SYNPO: variants seen among roughly 807,000 people sequenced by gnomAD.
SYNPO encodes synaptopodin.
In SYNPO, 19 loss-of-function variants were observed where a neutral mutation model predicts 49.5. That is an observed-to-expected ratio of 0.38 (90% CI 0.27 to 0.56). The LOEUF (loss-of-function observed/expected upper bound fraction) is 0.56, where lower values mean the gene tolerates loss of function less well. Among genes scored for constraint, SYNPO ranks in the 20% least tolerant of loss-of-function variants. The probability of loss-of-function intolerance (pLI) is 0.68; values close to 1 mark genes in which losing one functional copy is unlikely to be tolerated. For missense variants in SYNPO, 1,131 were observed against 1,248.3 expected, an observed-to-expected ratio of 0.91 and a Z score of 1.42; for synonymous variants, 536 against 548.0, an observed-to-expected ratio of 0.98 and a Z score of 0.31.
At chr5:150,624,439 G>A (rs1757277714) in intron 2 of SYNPO, among the ~76,000 whole-genome samples, 1 of 152,174 alleles carries the variant, frequency 6.6e-6, no homozygotes, top group South Asian at 2.1e-4. Context: ...CTAGCCGAAG[G>A]AGATAGGAGG....
At position 150,658,948 on chromosome 5, in the gene SYNPO, G is replaced by C. The variant is rs1348384093; in HGVS notation, c.*1861G>C. On this transcript the variant is annotated 3_prime_UTR_variant, in exon 3 of 3. Coordinates refer to ENST00000307662, the MANE Select transcript of SYNPO (RefSeq NM_007286.6). Reference sequence around the variant, plus strand: ...TTGTAGCACAGGAGACTGGGGCTAAGGGCCCCTCCCAGGGAAGGGACACCA... The same window carrying C: ...TTGTAGCACAGGAGACTGGGGCTAACGGCCCCTCCCAGGGAAGGGACACCA... 4 of 152,362 alleles carry C rather than the reference G, an allele frequency of 2.6e-5. No homozygotes were observed. Among genetic ancestry groups the C allele is most frequent in the African/African-American group, 7.2e-5 (3 of 41,432 alleles). 9.4% of individuals were successfully genotyped at this position (152,362 alleles called of 1,614,324 possible).
chr5:150,618,198 A>G, exon 2 of SYNPO: 1 of 795,934 alleles, frequency 1.3e-6, no homozygotes, highest in Non-Finnish European at 1.9e-6. Context: ...CTTTCGTCTC[A>G]GCCAGACCTC....
intron 1 of SYNPO, among the ~76,000 whole-genome samples, chr5:150,616,807 C>T (rs1199250547): frequency 6.6e-6 from 1 of 152,160 alleles, no homozygotes; most frequent in Non-Finnish European, 1.5e-5. Context: ...GCCAGTTCTT[C>T]CACCCAAGTA....
intron 1 of SYNPO, among the ~76,000 whole-genome samples, chr5:150,616,806 TC>T (rs1756994311): frequency 6.6e-6 from 1 of 152,088 alleles, no homozygotes; most frequent in African/African-American, 2.4e-5. Flanking sequence ...AGCCAGTTCT[TC>T]CACCCAAGTA....
chr5:150,655,241 C>T (rs2151433167), intron 2 of SYNPO, among the ~76,000 whole-genome samples: 1 of 152,308 alleles, frequency 6.6e-6, no homozygotes, highest in Middle Eastern at 3.4e-3. Flanking sequence ...GCCTTATTCC[C>T]ATCTCCCTGC....
exon 2 of SYNPO, chr5:150,618,226 C>T (rs1360350436): frequency 2.9e-6 from 3 of 1,032,166 alleles, no homozygotes; most frequent in Non-Finnish European, 2.7e-6. Flanking sequence ...TTCTGTGAAT[C>T]AGCGGAGGAA....
At chr5:150,596,618 A>C (rs1452604938), upstream of SYNPO, among the ~76,000 whole-genome samples, 6 of 152,068 alleles carry the variant, frequency 3.9e-5, no homozygotes, top group Non-Finnish European at 8.8e-5. Flanking sequence ...CATGTGTCAG[A>C]GGGGGCCCTG....
chr5:150,618,327 C>A, exon 2 of SYNPO: 1 of 1,516,560 alleles, frequency 6.6e-7, no homozygotes, highest in Non-Finnish European at 8.9e-7. Flanking sequence ...GGCCCAGGCC[C>A]AGGAGCCTGC....
chr5:150,629,566 G>A (rs1185949592), intron 2 of SYNPO, among the ~76,000 whole-genome samples: 3 of 152,168 alleles, frequency 2.0e-5, no homozygotes, highest in Admixed American at 2.0e-4. Context: ...ACACCATGGT[G>A]TCAAGGGTCA....
intron 1 of SYNPO, among the ~76,000 whole-genome samples, chr5:150,611,391 A>G (rs1354432647): frequency 2.0e-5 from 3 of 152,280 alleles, no homozygotes; most frequent in Non-Finnish European, 4.4e-5. Flanking sequence ...CCTGAAATTC[A>G]GTAAGATGCA....
chr5:150,630,545 A>G (rs1210660189), intron 2 of SYNPO, among the ~76,000 whole-genome samples: 1 of 152,158 alleles, frequency 6.6e-6, no homozygotes, highest in Non-Finnish European at 1.5e-5. Context: ...AGTACTGATT[A>G]AAAAATAGAC....
chr5:150,652,288 C>T lies in SYNPO; in HGVS notation c.2028+1985C>T, dbSNP rs765603019. ...GCAGCTCCTGCGGCCAGGCTGAGCT[C>T]TGCCCCCAACTTTGTTTTCTCTCAT... On this transcript the variant is annotated intron_variant, in intron 2 of 2. Coordinates refer to ENST00000307662, the MANE Select transcript of SYNPO (RefSeq NM_007286.6). The T allele has an allele frequency of 4.8e-4, 481 of 997,956 alleles. 2 individuals are homozygous for T. The highest frequency in any genetic ancestry group is 5.7e-4 in the Non-Finnish European group (470 of 830,180). 61.8% of individuals were successfully genotyped at this position (997,956 alleles called of 1,614,324 possible).
At chr5:150,637,168 G>T (rs1339179024), upstream of SYNPO, among the ~76,000 whole-genome samples, 1 of 152,198 alleles carries the variant, frequency 6.6e-6, no homozygotes, top group South Asian at 2.1e-4. Context: ...GGAAGAACTG[G>T]CTGCACCTCT....
rs746955643 is a variant in SYNPO, at chr5:150,648,560, T to G, written c.285T>G (p.Asp95Glu). Reference protein sequence around the residue: ...SNSSHNPPATDVNQNPPATVV... With the variant: ...SNSSHNPPATEVNQNPPATVV... ...GCAGCCACAATCCGCCAGCCACCGA[T>G]GTCAATCAGAACCCACCGGCAACTG... is the stretch of plus-strand genomic sequence containing the variant. The change falls in exon 2 of 3, where the codon GAT (aspartate) becomes GAG (glutamate). Residue 95 changes from aspartate to glutamate, a missense_variant. Asp to Glu is a conservative substitution (Grantham distance 45). This residue lies in a region of SYNPO where 602 missense variants were observed against 720.7 expected (regional missense o/e 0.84). Coordinates refer to ENST00000307662, the MANE Select transcript of SYNPO (RefSeq NM_007286.6). This position sits in a 1 kb window ranked among gnomAD's most constrained non-coding sequence, Gnocchi z 5.0. 17 of 1,614,034 alleles carry G rather than the reference T, an allele frequency of 1.1e-5. No homozygotes were observed. In the South Asian group the frequency reaches 1.8e-4, roughly 17 times the overall value.
At chr5:150,602,337 G>GA (rs1756566515) in intron 1 of SYNPO, among the ~76,000 whole-genome samples, 1 of 152,228 alleles carries the variant, frequency 6.6e-6, no homozygotes, top group African/African-American at 2.4e-5. Context: ...GTTGGGCCAG[G>GA]ATAGTGTTTT....
intron 1 of SYNPO, among the ~76,000 whole-genome samples, chr5:150,644,135 A>C (rs1475197168): frequency 6.6e-6 from 1 of 150,786 alleles, no homozygotes; most frequent in Admixed American, 6.6e-5. Flanking sequence ...TGATGGTGCC[A>C]CTGCCCTCCA....
intron 1 of SYNPO, among the ~76,000 whole-genome samples, chr5:150,616,198 A>T (rs546574967): frequency 6.6e-6 from 1 of 152,310 alleles, no homozygotes; most frequent in African/African-American, 2.4e-5. Flanking sequence ...CCAGAAACCA[A>T]GACCTTGACC....
chr5:150,618,409 C>A (rs530718393), exon 2 of SYNPO: 16 of 1,551,412 alleles, frequency 1.0e-5, no homozygotes, highest in East Asian at 2.4e-5. Context: ...TTGCACCCAG[C>A]GAAGGGAGGC....
intron 2 of SYNPO, among the ~76,000 whole-genome samples, chr5:150,635,529 C>T (rs769547590): frequency 1.7e-4 from 26 of 152,128 alleles, no homozygotes; most frequent in Non-Finnish European, 3.1e-4. Context: ...AGTGCAGTGA[C>T]GCAATCTGGG....
Sources: gnomAD v4.1 joint callset for allele counts (sites outside exome capture counted in the v4.1 genomes callset) on GRCh38, gnomAD v4.1.1 for gene constraint, gnomAD v4.1.1 regional missense constraint, Gnocchi (gnomAD v3.1) non-coding constraint, MANE v1.5 for transcripts, NCBI Gene and HGNC (gene_info 2026-07-23, HGNC 2026-07-21) for gene names.